BFSP2: variants seen among roughly 807,000 people sequenced by gnomAD.
BFSP2 encodes phakinin.
A neutral mutation model predicts 44.9 loss-of-function variants in BFSP2; 38 were observed. The observed-to-expected ratio is 0.85, with a 90% confidence interval of 0.65 to 1.11. The LOEUF is 1.11. Among genes scored for constraint, BFSP2 ranks in the 50% least tolerant of loss-of-function variants. The probability of loss-of-function intolerance (pLI) is 0.00; values close to 1 mark genes in which losing one functional copy is unlikely to be tolerated. For missense variants in BFSP2, 525 were observed against 533.0 expected (o/e 0.99, Z 0.15); for synonymous variants, 197 against 209.9 (o/e 0.94, Z 0.53).
intron 4 of BFSP2, among the ~76,000 whole-genome samples, chr3:133,462,917 CA>C (rs1189332725): frequency 1.3e-5 from 2 of 152,182 alleles, no homozygotes; most frequent in Non-Finnish European, 2.9e-5. Flanking sequence ...GAAGCAACCT[CA>C]ATTCTTGCCT....
At chr3:133,441,070 G>C (rs1176086255) in intron 1 of BFSP2, among the ~76,000 whole-genome samples, 1 of 108,318 alleles carries the variant, frequency 9.2e-6, no homozygotes, top group Non-Finnish European at 1.8e-5. Context: ...AGGGAGTTTT[G>C]CTCTTGTTGC....
At chr3:133,431,318 A>G (rs2073714849) in intron 1 of BFSP2, among the ~76,000 whole-genome samples, 1 of 152,200 alleles carries the variant, frequency 6.6e-6, no homozygotes. Context: ...AATCCCAGCC[A>G]CATCTCCAGC....
intron 1 of BFSP2, among the ~76,000 whole-genome samples, chr3:133,446,471 C>A (rs574332970): frequency 6.8e-6 from 1 of 147,808 alleles, no homozygotes; most frequent in African/African-American, 2.5e-5. Context: ...AATAAGACAG[C>A]CACACTGGAG....
intron 4 of BFSP2, among the ~76,000 whole-genome samples, chr3:133,463,929 C>T (rs2074087040): frequency 6.6e-6 from 1 of 152,284 alleles, no homozygotes; most frequent in Admixed American, 6.5e-5. Context: ...AATTTAATTT[C>T]TAATGATGGC....
chr3:133,454,793 T>C (rs1475801916), intron 4 of BFSP2, among the ~76,000 whole-genome samples: 2 of 152,254 alleles, frequency 1.3e-5, no homozygotes, highest in Non-Finnish European at 2.9e-5. Context: ...TAATAACACT[T>C]GGCTTAAAAT....
intron 1 of BFSP2, among the ~76,000 whole-genome samples, chr3:133,425,102 C>A (rs1040054440): frequency 6.6e-5 from 10 of 152,194 alleles, no homozygotes; most frequent in African/African-American, 2.4e-4. Flanking sequence ...TTCTTCCTCA[C>A]CAGCAGTCTC....
At chr3:133,416,153 ACCACTGTCC>A (rs2107888137) in intron 1 of BFSP2, among the ~76,000 whole-genome samples, 1 of 66,268 alleles carries the variant, frequency 1.5e-5, no homozygotes, top group African/African-American at 6.3e-5. Flanking sequence ...CTCCCCCTTC[ACCACTGTCC>A]TCTCCCCTCT....
At chr3:133,427,504 T>C (rs2073664988) in intron 1 of BFSP2, among the ~76,000 whole-genome samples, 1 of 152,234 alleles carries the variant, frequency 6.6e-6, no homozygotes, top group Non-Finnish European at 1.5e-5. Context: ...TTGCTGATGT[T>C]CACACAAGAT....
intron 1 of BFSP2, among the ~76,000 whole-genome samples, chr3:133,436,142 T>A (rs2073779177): frequency 6.6e-6 from 1 of 151,954 alleles, no homozygotes; most frequent in South Asian, 2.1e-4. Flanking sequence ...GGCAGGTGGA[T>A]CACTTGAGGC....
chr3:133,466,761 C>A, intron 4 of BFSP2, 67 bp from the exon 5 acceptor site: 1 of 1,475,566 alleles, frequency 6.8e-7, no homozygotes, highest in East Asian at 3.1e-5. Flanking sequence ...ATTAGAAAGG[C>A]TGGGAAGGAA....
At chr3:133,403,435 A>G (rs2073378356) in intron 1 of BFSP2, among the ~76,000 whole-genome samples, 1 of 151,992 alleles carries the variant, frequency 6.6e-6, no homozygotes, top group African/African-American at 2.4e-5. Context: ...CTCAGGGCCC[A>G]TGCAGGGCCT....
chr3:133,466,774 A>G, intron 4 of BFSP2, 54 bp from the exon 5 acceptor site: 1 of 1,558,126 alleles, frequency 6.4e-7, no homozygotes, highest in East Asian at 2.5e-5. Context: ...GGAAGGAAGG[A>G]TGGGCTCAGA....
Position 133,425,946 on chromosome 3 carries a change from G to T in BFSP2, c.490-21371G>T, listed in dbSNP as rs553859746. Reference sequence around the variant, plus strand: ...GAAGGCTAGGGAAGGCAAGGGAAGGGAGGGGAGGGGGAGGGGGAGGGGATG... The same window carrying T: ...GAAGGCTAGGGAAGGCAAGGGAAGGTAGGGGAGGGGGAGGGGGAGGGGATG... On this transcript the variant is annotated intron_variant, in intron 1 of 6. Transcript: ENST00000302334. 9.6e-3 allele frequency among the ~76,000 whole-genome samples: 26 copies of T among 2,698 alleles called. 1 individual carries two copies. The highest frequency in any genetic ancestry group is 0.047 in the African/African-American group (19 of 406). The allele number at this position is 2,698 out of a possible 152,430, so 1.8% of individuals were successfully genotyped here.
chr3:133,406,191 T>G (rs2073403249), intron 1 of BFSP2, among the ~76,000 whole-genome samples: 1 of 151,808 alleles, frequency 6.6e-6, no homozygotes, highest in Admixed American at 6.6e-5. Context: ...ACTCCTGACC[T>G]CAGGTGATCC....
intron 5 of BFSP2, among the ~76,000 whole-genome samples, chr3:133,471,670 C>G (rs1439266754): frequency 6.6e-6 from 1 of 152,038 alleles, no homozygotes; most frequent in African/African-American, 2.4e-5. Context: ...TGATGGAGAC[C>G]AACACAGACC....
At chr3:133,416,535 A>G (rs561600914) in intron 1 of BFSP2, among the ~76,000 whole-genome samples, 2 of 104,058 alleles carry the variant, frequency 1.9e-5, no homozygotes, top group East Asian at 5.9e-4. Flanking sequence ...TCTCCCCTCT[A>G]CTCATCCCTC....
intron 1 of BFSP2, among the ~76,000 whole-genome samples, chr3:133,401,550 C>T (rs1256085188): frequency 6.6e-6 from 1 of 152,148 alleles, no homozygotes; most frequent in Non-Finnish European, 1.5e-5. Flanking sequence ...GAGTCTGGAG[C>T]ACATCCATCA....
chr3:133,419,814 C>T (rs2107893042), intron 1 of BFSP2, among the ~76,000 whole-genome samples: 1 of 152,352 alleles, frequency 6.6e-6, no homozygotes, highest in Non-Finnish European at 1.5e-5. Flanking sequence ...GATTTTAATA[C>T]TCAGAAAAAT....
At chr3:133,462,768 C>A (rs1315600295) in intron 4 of BFSP2, among the ~76,000 whole-genome samples, 1 of 152,156 alleles carries the variant, frequency 6.6e-6, no homozygotes. Context: ...TTGGAAAATT[C>A]ACCAACCATT....
Sources: allele counts gnomAD v4.1 joint callset (sites outside exome capture counted in the v4.1 genomes callset), GRCh38; gene constraint gnomAD v4.1.1; transcripts MANE v1.5; gene names NCBI Gene and HGNC (gene_info 2026-07-23, HGNC 2026-07-21).